ACBD6: variants seen among roughly 807,000 people sequenced by gnomAD.
ACBD6 encodes acyl-CoA binding domain containing 6, also known as acyl-CoA-binding domain-containing protein 6.
ACBD6 carries 28 observed loss-of-function variants against 37.2 expected under a neutral mutation model. The ratio of observed to expected loss-of-function variants is 0.75; its 90% CI spans 0.56 to 1.03. The LOEUF (loss-of-function observed/expected upper bound fraction) is 1.03. Ranked by LOEUF, ACBD6 falls within the 50% of genes least tolerant of loss-of-function variation. The probability of loss-of-function intolerance (pLI) is 0.00; values close to 1 mark genes in which losing one functional copy is unlikely to be tolerated. For synonymous variants in ACBD6, 113 were observed against 126.8 expected (o/e 0.89, Z 0.73); for missense variants, 340 against 337.4 (o/e 1.01, Z -0.06).
chr1:180,333,710 G>A (rs1038509397), intron 6 of ACBD6, among the ~76,000 whole-genome samples: 1 of 152,204 alleles, frequency 6.6e-6, no homozygotes, highest in African/African-American at 2.4e-5. Context: ...CCAAAGCAGG[G>A]CAAGGCATCG....
intron 6 of ACBD6, among the ~76,000 whole-genome samples, chr1:180,391,309 A>G (rs1051564023): frequency 4.6e-5 from 7 of 152,134 alleles, no homozygotes; most frequent in Non-Finnish European, 7.4e-5. Context: ...AATAAATAAG[A>G]TCATAAAAAT....
At chr1:180,466,753 G>A (rs1650361956) in intron 3 of ACBD6, among the ~76,000 whole-genome samples, 4 of 151,918 alleles carry the variant, frequency 2.6e-5, no homozygotes, top group Non-Finnish European at 1.5e-5. Context: ...ACAACATCAG[G>A]CATGGTTTTG....
rs764211042 is a variant in ACBD6 at position 180,342,425 on chromosome 1, T to C, written c.664-27703A>G. Among the ~76,000 whole-genome samples the C allele has an allele frequency of 4.5e-4, 68 of 152,170 alleles. 1 individual carries two copies. Among genetic ancestry groups the C allele is most frequent in the Non-Finnish European group, 7.9e-4 (54 of 67,986 alleles). On this transcript the variant is annotated intron_variant, in intron 6 of 7. Coordinates refer to ENST00000367595, the MANE Select transcript of ACBD6 (RefSeq NM_032360.4). The stretch of plus-strand genomic sequence containing the variant: ...TATTATCTAATCCAATTGTAGTGTT[T>C]AGGGACCCAAATGTAAGTTGTTCTT...
intron 3 of ACBD6, among the ~76,000 whole-genome samples, chr1:180,466,555 T>C (rs1650352578): frequency 6.6e-6 from 1 of 152,216 alleles, no homozygotes; most frequent in Non-Finnish European, 1.5e-5. Flanking sequence ...TTTGACTTGC[T>C]GGAGAATGAA....
chr1:180,344,796 G>C (rs1362134755), intron 6 of ACBD6, among the ~76,000 whole-genome samples: 1 of 152,074 alleles, frequency 6.6e-6, no homozygotes, highest in Non-Finnish European at 1.5e-5. Context: ...TCTCAACTCT[G>C]CTACTAGAAA....
intron 4 of ACBD6, among the ~76,000 whole-genome samples, chr1:180,421,714 G>A (rs1244895303): frequency 1.3e-5 from 2 of 152,122 alleles, no homozygotes; most frequent in Non-Finnish European, 2.9e-5. Flanking sequence ...CTAAAAGAGA[G>A]GCATGAGAAG....
chr1:180,358,752 G>A (rs778544476), intron 6 of ACBD6, among the ~76,000 whole-genome samples: 1 of 152,142 alleles, frequency 6.6e-6, no homozygotes, highest in Non-Finnish European at 1.5e-5. Flanking sequence ...AAGGGGTTTA[G>A]AGGGATTAAT....
At chr1:180,309,724 T>G (rs149945598) in intron 7 of ACBD6, among the ~76,000 whole-genome samples, 193 of 152,278 alleles carry the variant, frequency 1.3e-3, no homozygotes, top group African/African-American at 4.5e-3. Context: ...TGAGTAGCCT[T>G]GAATTTTGTG....
chr1:180,303,576 G>A (rs1571336902), intron 7 of ACBD6, among the ~76,000 whole-genome samples: 3 of 150,804 alleles, frequency 2.0e-5, no homozygotes. Context: ...AATCTCTGAA[G>A]AGATCAATAA....
chr1:180,455,704 T>TA (rs1649889673), intron 3 of ACBD6, among the ~76,000 whole-genome samples: 1 of 152,198 alleles, frequency 6.6e-6, no homozygotes, highest in African/African-American at 2.4e-5. Flanking sequence ...CTAGAGCCAC[T>TA]AGATTATGAT....
chr1:180,388,305 T>C (rs956803012), intron 6 of ACBD6, among the ~76,000 whole-genome samples: 1 of 152,198 alleles, frequency 6.6e-6, no homozygotes, highest in Non-Finnish European at 1.5e-5. Context: ...ATTTGCTGTG[T>C]ATGTCCAGGG....
At chr1:180,410,438 GAT>G (rs1647807700) in intron 5 of ACBD6, among the ~76,000 whole-genome samples, 1 of 152,182 alleles carries the variant, frequency 6.6e-6, no homozygotes, top group African/African-American at 2.4e-5. Context: ...AGCTTCAAAA[GAT>G]AGACTGACAC....
intron 1 of ACBD6, among the ~76,000 whole-genome samples, chr1:180,501,760 T>C (rs1651986947): frequency 6.6e-6 from 1 of 152,136 alleles, no homozygotes; most frequent in African/African-American, 2.4e-5. Context: ...GTAAAGGTTC[T>C]TGGGCTGGTA....
At chr1:180,307,518 T>C (rs1204682906) in intron 7 of ACBD6, among the ~76,000 whole-genome samples, 1 of 152,224 alleles carries the variant, frequency 6.6e-6, no homozygotes, top group African/African-American at 2.4e-5. Flanking sequence ...TTTAATTAGA[T>C]TGTTTGTAAC....
chr1:180,369,359 C>T (rs1023045083), intron 6 of ACBD6, among the ~76,000 whole-genome samples: 3 of 152,196 alleles, frequency 2.0e-5, no homozygotes, highest in Admixed American at 1.3e-4. Context: ...CAAGATCTGC[C>T]GTTGGTTGAT....
At chr1:180,321,848 T>C (rs189090182) in intron 6 of ACBD6, among the ~76,000 whole-genome samples, 2 of 152,272 alleles carry the variant, frequency 1.3e-5, no homozygotes, top group Admixed American at 1.3e-4. Context: ...CCTTTCCAAT[T>C]TGGATGCCCT....
chr1:180,299,341 A>G (rs2296378), intron 7 of ACBD6, among the ~76,000 whole-genome samples: 76,046 of 151,952 alleles, frequency 0.5, 21,274 homozygotes, highest in South Asian at 0.66. Context: ...GGTGCCCACA[A>G]TGTGCTGGGA....
chr1:180,355,553 T>G (rs145615747), intron 6 of ACBD6, among the ~76,000 whole-genome samples: 1 of 152,214 alleles, frequency 6.6e-6, no homozygotes, highest in African/African-American at 2.4e-5. Context: ...GAAGTCATGT[T>G]CAACTTCTCT....
At chr1:180,485,209 G>A (rs1033034674) in intron 3 of ACBD6, among the ~76,000 whole-genome samples, 4 of 152,066 alleles carry the variant, frequency 2.6e-5, no homozygotes, top group African/African-American at 9.7e-5. Flanking sequence ...CCAGACCTTG[G>A]TTTCTAAATA....
Sources: gnomAD v4.1 joint callset for allele counts (sites outside exome capture counted in the v4.1 genomes callset) on GRCh38, gnomAD v4.1.1 for gene constraint, MANE v1.5 for transcripts, NCBI Gene and HGNC (gene_info 2026-07-23, HGNC 2026-07-21) for gene names.